ERC1: variants seen among roughly 807,000 people sequenced by gnomAD.
ERC1 encodes ELKS/RAB6-interacting/CAST family member 1, also known as RAB6 interacting protein 2.
Under a neutral mutation model 132.0 loss-of-function variants are expected in ERC1, and 56 were observed. The observed-to-expected ratio is 0.42, with a 90% CI of 0.34 to 0.53. The LOEUF is 0.53. ERC1 is among the 20% of genes least tolerant of loss of function. The pLI is 0.03. For synonymous variants in ERC1, 478 were observed against 476.1 expected (o/e 1.00, Z -0.05); for missense variants, 1,202 against 1,349.9 (o/e 0.89, Z 1.72).
intron 2 of ERC1, among the ~76,000 whole-genome samples, chr12:1,072,680 T>A (rs1471095676): frequency 2.6e-5 from 4 of 152,134 alleles, no homozygotes; most frequent in Admixed American, 2.6e-4. Context: ...GTCCTTTCTG[T>A]GTTTTAATTT....
chr12:1,228,262 A>G (rs1411859953), intron 12 of ERC1, among the ~76,000 whole-genome samples: 1 of 140,416 alleles, frequency 7.1e-6, no homozygotes, highest in African/African-American at 2.8e-5. Context: ...TAATTGTTTC[A>G]ATTCATGAAC....
At chr12:1,214,142 G>A (rs1324949905) in intron 12 of ERC1, among the ~76,000 whole-genome samples, 2 of 152,098 alleles carry the variant, frequency 1.3e-5, no homozygotes, top group African/African-American at 4.8e-5. Flanking sequence ...TATGTACTAT[G>A]TACACCATCT....
chr12:1,119,161 G>A (rs1448966168), intron 7 of ERC1, among the ~76,000 whole-genome samples: 3 of 152,174 alleles, frequency 2.0e-5, no homozygotes, highest in Admixed American at 6.5e-5. Context: ...TTACAGGCGT[G>A]AGCCACTGTG....
intron 15 of ERC1, among the ~76,000 whole-genome samples, chr12:1,359,663 G>A (rs751780258): frequency 3.3e-5 from 5 of 152,234 alleles, no homozygotes; most frequent in East Asian, 1.9e-4. Flanking sequence ...TACCCTAAGC[G>A]TTCTACCTAT....
intron 11 of ERC1, among the ~76,000 whole-genome samples, chr12:1,188,027 T>C (rs56343317): frequency 0.083 from 12,671 of 152,216 alleles, 705 homozygotes; most frequent in Admixed American, 0.15. Context: ...AATGCTGATA[T>C]GCAGTAGTTA....
intron 12 of ERC1, among the ~76,000 whole-genome samples, chr12:1,229,373 T>C (rs778937340): frequency 7.9e-5 from 12 of 152,176 alleles, no homozygotes; most frequent in Non-Finnish European, 1.3e-4. Context: ...CAGCGGTGCA[T>C]GCCTGTGGTT....
chr12:1,153,295 C>T (rs1042498198), intron 8 of ERC1, among the ~76,000 whole-genome samples: 3 of 152,364 alleles, frequency 2.0e-5, no homozygotes, highest in Admixed American at 6.5e-5. Context: ...CTCTGATAGG[C>T]ACATGCTGAA....
intron 12 of ERC1, among the ~76,000 whole-genome samples, chr12:1,198,960 TGG>T (rs879504975): frequency 1.5e-5 from 2 of 134,420 alleles, no homozygotes; most frequent in Non-Finnish European, 3.1e-5. Context: ...GAGATTTGGG[TGG>T]GGACAAACCA....
At chr12:1,075,973 A>G (rs773595546) in intron 2 of ERC1, among the ~76,000 whole-genome samples, 7 of 152,230 alleles carry the variant, frequency 4.6e-5, no homozygotes, top group Admixed American at 3.3e-4. Context: ...CTTTGTTTTC[A>G]TAGAGATATA....
chr12:1,093,891 T>TTATATATAAATATATATTTTTC (rs1477602856), intron 3 of ERC1, among the ~76,000 whole-genome samples: 2 of 135,392 alleles, frequency 1.5e-5, no homozygotes, highest in Non-Finnish European at 3.1e-5. Context: ...GTGTATTTAT[T>TTATATATAAATATATATTTTTC]TATATATAAA....
In ERC1 at chr12:1,451,624, C is replaced by T. The variant is rs936021590; in HGVS notation, c.3213+6874C>T. Among the ~76,000 whole-genome samples, 106 of 152,106 alleles carry T rather than the reference C, an allele frequency of 7.0e-4. 2 individuals carry two copies. The highest frequency in any genetic ancestry group is 2.5e-3 in the African/African-American group (102 of 41,498). On this transcript the variant is annotated intron_variant, in intron 18 of 18. Coordinates refer to ENST00000360905, the MANE Select transcript of ERC1 (RefSeq NM_178040.4). ...TGGGCTGCAGAATGAGACCCTGTCTCAGAAAATTAAAAATAAATTAAAAAT... is the reference window on the plus strand; with the variant it reads ...TGGGCTGCAGAATGAGACCCTGTCTTAGAAAATTAAAAATAAATTAAAAAT...
chr12:1,028,566 A>G lies in ERC1; in HGVS notation c.663A>G (p.Glu221=), dbSNP rs1488988101. The change falls in exon 2 of 19, where the codon GAA becomes GAG. Residue 221 remains glutamate (E), a synonymous_variant. Coordinates refer to ENST00000360905, the MANE Select transcript of ERC1 (RefSeq NM_178040.4). ...AACAGTACAGAGTTGTACAGGAGGA[A>G]AACCAGGTAAGTTCTACGTGTGTTT... The part of the protein sequence containing the change: ...WKEQYRVVQE[E]NQHMQMTIQA... 6.2e-7 allele frequency: 1 copy of G among 1,606,302 alleles called. No individual in the cohort carries two copies. Among genetic ancestry groups the G allele is most frequent in the African/African-American group, 1.3e-5 (1 of 74,424 alleles).
chr12:1,341,744 G>A (rs1344733742), intron 15 of ERC1, among the ~76,000 whole-genome samples: 1 of 152,044 alleles, frequency 6.6e-6, no homozygotes, highest in South Asian at 2.1e-4. Context: ...AAACCAACAT[G>A]GCACATGTAT....
At position 1,083,957 on chromosome 12, in the gene ERC1, A is replaced by G. The variant is rs1045355967; in HGVS notation, c.1086+377A>G. ...AACCATTGCTTAATTTAAAAATATT[A>G]GTAAAAGAGAGTAAGCGGTTATCTC... is the stretch of plus-strand genomic sequence containing the variant. On this transcript the variant is annotated intron_variant, in intron 3 of 18. Coordinates refer to ENST00000360905, the MANE Select transcript of ERC1 (RefSeq NM_178040.4). Among the ~76,000 whole-genome samples the G allele has an allele frequency of 4.6e-5, 7 of 152,386 alleles. No individual in the cohort carries two copies. In the East Asian group the frequency reaches 1.2e-3, roughly 25 times the overall value.
intron 2 of ERC1, among the ~76,000 whole-genome samples, chr12:1,055,998 T>C (rs1972880146): frequency 1.3e-5 from 2 of 149,278 alleles, no homozygotes; most frequent in Non-Finnish European, 3.0e-5. Context: ...TAAAATAAAA[T>C]AAATGAAAAT....
chr12:1,141,466 G>A (rs1396451958), intron 7 of ERC1, among the ~76,000 whole-genome samples, 154 bp from the exon 8 acceptor site: 1 of 152,096 alleles, frequency 6.6e-6, no homozygotes, highest in Non-Finnish European at 1.5e-5. Context: ...TGAGCACACT[G>A]GACTCTGAAT....
intron 15 of ERC1, among the ~76,000 whole-genome samples, chr12:1,314,558 T>C (rs1288082175): frequency 6.6e-6 from 1 of 152,146 alleles, no homozygotes; most frequent in Non-Finnish European, 1.5e-5. Context: ...TGAGGAACTT[T>C]CCTACCTGAA....
intron 15 of ERC1, among the ~76,000 whole-genome samples, chr12:1,366,849 T>C (rs1313696849): frequency 6.6e-6 from 1 of 152,200 alleles, no homozygotes; most frequent in Non-Finnish European, 1.5e-5. Flanking sequence ...TACTAACATG[T>C]AAAATGTTAG....
chr12:1,106,361 T>A (rs1945267344), intron 4 of ERC1, among the ~76,000 whole-genome samples: 1 of 152,352 alleles, frequency 6.6e-6, no homozygotes, highest in South Asian at 2.1e-4. Context: ...CTTCTTCATA[T>A]CCTCTAGAAA....
Sources: allele counts gnomAD v4.1 joint callset (sites outside exome capture counted in the v4.1 genomes callset), GRCh38; gene constraint gnomAD v4.1.1; transcripts MANE v1.5; gene names NCBI Gene and HGNC (gene_info 2026-07-23, HGNC 2026-07-21).